Variants in WIF1 observed in about 807,000 individuals in gnomAD.
The protein encoded by WIF1 is Wnt inhibitory factor 1.
In WIF1, 35 loss-of-function variants were observed where a neutral mutation model predicts 53.5. The observed-to-expected ratio is 0.65, with a 90% CI of 0.50 to 0.87. The LOEUF is 0.87. Ranked by LOEUF, WIF1 falls within the 40% of genes least tolerant of loss-of-function variation. The pLI is 0.00. For missense variants in WIF1, 467 were observed against 476.8 expected, an observed-to-expected ratio of 0.98 and a Z score of 0.19; for synonymous variants, 171 against 170.4, an observed-to-expected ratio of 1.00 and a Z score of -0.03.
At chr12:65,094,900 T>TA (rs1883178890) in intron 2 of WIF1, among the ~76,000 whole-genome samples, 2 of 139,784 alleles carry the variant, frequency 1.4e-5, no homozygotes, top group Non-Finnish European at 3.1e-5. Context: ...TTCCTCTTCT[T>TA]CTTATTTATT....
At chr12:65,066,811 C>A in intron 5 of WIF1, 75 bp from the exon 6 acceptor site, 1 of 1,015,482 alleles carries the variant, frequency 9.8e-7, no homozygotes, top group Non-Finnish European at 1.4e-6. Flanking sequence ...GTCAATAATA[C>A]AACAGGTCTA....
chr12:65,092,750 G>A (rs1381295290), intron 2 of WIF1, among the ~76,000 whole-genome samples: 2 of 152,032 alleles, frequency 1.3e-5, no homozygotes, highest in African/African-American at 4.8e-5. Flanking sequence ...GGGTACCATG[G>A]TTATGAGCAT....
chr12:65,120,512 G>C lies in WIF1; in HGVS notation c.193C>G (p.Pro65Ala), dbSNP rs1242470737. Residue 65 changes from proline (P) to alanine (A), a missense_variant, in exon 2 of 10, where the codon CCT (proline) becomes GCT (alanine). Coordinates refer to ENST00000286574, the MANE Select transcript of WIF1 (RefSeq NM_007191.5). The part of the protein sequence containing the change: ...ILIVSEGKMA[P>A]FTHDFRKAQQ... ...GCTTTTCTGAAATCATGTGTAAAAG[G>C]TGCCATTTTCCCCTCTGAAACAATC... The C allele has an allele frequency of 1.9e-6, 3 of 1,613,894 alleles. No homozygotes were observed. The highest frequency in any genetic ancestry group is 2.5e-6 in the Non-Finnish European group (3 of 1,179,982).
At chr12:65,064,822 C>T (rs992975417) in intron 6 of WIF1, among the ~76,000 whole-genome samples, 1 of 152,150 alleles carries the variant, frequency 6.6e-6, no homozygotes, top group Non-Finnish European at 1.5e-5. Flanking sequence ...ATTGACACTC[C>T]ATTATGCAAA....
intron 7 of WIF1, among the ~76,000 whole-genome samples, chr12:65,056,842 G>T (rs578094788): frequency 1.3e-5 from 2 of 151,886 alleles, no homozygotes; most frequent in Admixed American, 6.6e-5. Context: ...TAGACACAGG[G>T]TTTCACCTTC....
rs186243575 is a variant in WIF1 at position 65,097,194 on chromosome 12, C to T, written c.289-19340G>A. 1.5e-3 allele frequency among the ~76,000 whole-genome samples: 233 copies of T among 151,276 alleles called. 1 individual carries two copies. The highest frequency in any genetic ancestry group is 2.7e-3 in the Non-Finnish European group (182 of 67,848). On this transcript the variant is annotated intron_variant, in intron 2 of 9. Coordinates refer to ENST00000286574, the MANE Select transcript of WIF1 (RefSeq NM_007191.5). Reference sequence around the variant, plus strand: ...AAAAAGAACAGCTCTGAGAATTATACACCAGTCAGTATCAATATTTGTTTT... The same window carrying T: ...AAAAAGAACAGCTCTGAGAATTATATACCAGTCAGTATCAATATTTGTTTT...
intron 2 of WIF1, among the ~76,000 whole-genome samples, chr12:65,111,209 CT>C (rs1883426099): frequency 2.0e-5 from 3 of 152,168 alleles, no homozygotes; most frequent in Admixed American, 6.5e-5. Flanking sequence ...CTCTTTACCC[CT>C]GATCTCCTCT....
chr12:65,100,732 A>G lies in WIF1; in HGVS notation c.288+19685T>C, dbSNP rs138526790. 3.4e-3 allele frequency among the ~76,000 whole-genome samples: 514 copies of G among 152,228 alleles called. 1 individual carries two copies. Among genetic ancestry groups the G allele is most frequent in the African/African-American group, 0.012 (496 of 41,536 alleles). On this transcript the variant is annotated intron_variant, in intron 2 of 9. Transcript: ENST00000286574. ...TGAAACAGAATGTTAAATAAACCAC[A>G]GAATAGGGCCAGGCGTGGTGGCTCA...
intron 3 of WIF1, among the ~76,000 whole-genome samples, chr12:65,071,446 T>C (rs1882773050): frequency 6.6e-6 from 1 of 152,116 alleles, no homozygotes; most frequent in Admixed American, 6.6e-5. Context: ...TTTTGGCAGA[T>C]AACTAAAGAT....
intron 2 of WIF1, among the ~76,000 whole-genome samples, chr12:65,100,160 T>C (rs1467514026): frequency 6.6e-6 from 1 of 152,212 alleles, no homozygotes; most frequent in Non-Finnish European, 1.5e-5. Flanking sequence ...TTTGGTTTAT[T>C]TTTTAGGAAT....
At chr12:65,058,938 GC>G (rs1023185693) in intron 7 of WIF1, among the ~76,000 whole-genome samples, 1 of 152,158 alleles carries the variant, frequency 6.6e-6, no homozygotes, top group African/African-American at 2.4e-5. Context: ...TGTAATCTCA[GC>G]TACTTGGGAG....
intron 2 of WIF1, among the ~76,000 whole-genome samples, chr12:65,118,855 G>C (rs975725212): frequency 6.9e-6 from 1 of 145,186 alleles, no homozygotes; most frequent in African/African-American, 2.7e-5. Context: ...GAAAGAGATA[G>C]AGAGAGGAGG....
chr12:65,058,720 G>A (rs755617870), intron 7 of WIF1, among the ~76,000 whole-genome samples: 3 of 152,164 alleles, frequency 2.0e-5, no homozygotes, highest in Non-Finnish European at 4.4e-5. Flanking sequence ...GTGGAAAACT[G>A]AGTCAGCTTG....
chr12:65,092,869 TG>T (rs1208689055), intron 2 of WIF1, among the ~76,000 whole-genome samples: 2 of 151,970 alleles, frequency 1.3e-5, no homozygotes, highest in Non-Finnish European at 2.9e-5. Flanking sequence ...AAACATCCTC[TG>T]GGGCCAGAGG....
At chr12:65,120,974 A>T (rs1487984022) in intron 1 of WIF1, 70 bp downstream of exon 1, 10 of 1,361,868 alleles carry the variant, frequency 7.3e-6, no homozygotes, top group Non-Finnish European at 9.5e-6. Context: ...AAACGCAGGT[A>T]TCCCTCTTTC....
At chr12:65,056,258 C>A (rs1304134364) in intron 7 of WIF1, 132 bp from the exon 8 acceptor site, 6 of 676,752 alleles carry the variant, frequency 8.9e-6, no homozygotes, top group South Asian at 2.2e-5. Context: ...TATTTCAGAT[C>A]TACTCTGGCT....
rs1882503985 is a variant in WIF1, at chr12:65,055,153, C to T, written c.983G>A (p.Cys328Tyr). The T allele has an allele frequency of 6.2e-7, 1 of 1,614,154 alleles. No individual in the cohort carries two copies. Among genetic ancestry groups the T allele is most frequent in the African/African-American group, 1.3e-5 (1 of 75,046 alleles). Residue 328 changes from cysteine (C) to tyrosine (Y), a missense_variant, in exon 9 of 10, where the codon TGT (cysteine) becomes TAT (tyrosine). Cys to Tyr is a radical substitution (Grantham distance 194, BLOSUM62 -2). Transcript: ENST00000286574. ...GTCHEPNKCQ[C>Y]QEGWHGRHCN... ...GTGTCTTCCATGCCAACCTTCTTGA[C>T]ATTGGCATTTGTTGGGTTCATGGCA...
intron 7 of WIF1, among the ~76,000 whole-genome samples, chr12:65,061,160 C>A (rs768144428): frequency 3.2e-4 from 48 of 152,064 alleles, no homozygotes; most frequent in Non-Finnish European, 5.6e-4. Context: ...ATTACATGTT[C>A]TATGGAAACT....
At chr12:65,081,502 C>G (rs1322737158) in intron 2 of WIF1, among the ~76,000 whole-genome samples, 1 of 152,198 alleles carries the variant, frequency 6.6e-6, no homozygotes, top group Non-Finnish European at 1.5e-5. Flanking sequence ...ACGACTGCTT[C>G]ACATGATGCA....
Sources: gnomAD v4.1 joint callset for allele counts (sites outside exome capture counted in the v4.1 genomes callset) on GRCh38, gnomAD v4.1.1 for gene constraint, MANE v1.5 for transcripts, NCBI Gene and HGNC (gene_info 2026-07-23, HGNC 2026-07-21) for gene names.